MYH10: variants seen among roughly 807,000 people sequenced by gnomAD.
MYH10 encodes the protein myosin heavy chain 10.
In MYH10, 55 loss-of-function variants were observed where a neutral mutation model predicts 257.8. That is an observed-to-expected ratio of 0.21 (90% CI 0.17 to 0.27). MYH10 has a LOEUF of 0.27. Among genes scored for constraint, MYH10 ranks in the 10% least tolerant of loss-of-function variants. The pLI is 1.00. For missense variants in MYH10, 1,631 were observed against 2,500.6 expected, an observed-to-expected ratio of 0.65 and a Z score of 7.42; for synonymous variants, 854 against 921.7, an observed-to-expected ratio of 0.93 and a Z score of 1.33.
At position 8,506,189 on chromosome 17, in the gene MYH10, A is replaced by C; in HGVS notation, c.3386+129T>G. ...GTACGCCTGGGCTTTTCACTTTCTC[A>C]GGTCACACCAAACAGCAAGCAAACC... On this transcript the variant is annotated intron_variant, in intron 27 of 42. Coordinates refer to ENST00000360416, the MANE Select transcript of MYH10 (RefSeq NM_001256012.3). This position sits in a 1 kb window ranked among gnomAD's most constrained non-coding sequence, Gnocchi z 5.0. 2 of 902,382 alleles carry C rather than the reference A, an allele frequency of 2.2e-6. No individual in the cohort carries two copies. Among genetic ancestry groups the C allele is most frequent in the Admixed American group, 6.0e-5 (2 of 33,214 alleles). 55.9% of individuals were successfully genotyped at this position (902,382 alleles called of 1,614,324 possible).
At chr17:8,600,855 T>C (rs895105044) in intron 3 of MYH10, among the ~76,000 whole-genome samples, 2 of 152,082 alleles carry the variant, frequency 1.3e-5, no homozygotes, top group Admixed American at 6.5e-5. Flanking sequence ...AATGGACTCA[T>C]ACCCCGTATG....
Position 8,475,674 on chromosome 17 carries a change from G to T in MYH10, c.*130C>A. 9.1e-7 allele frequency: 1 copy of T among 1,097,318 alleles called. No individual in the cohort carries two copies. The highest frequency in any genetic ancestry group is 1.3e-6 in the Non-Finnish European group (1 of 756,962). The allele number at this position is 1,097,318 out of a possible 1,614,324, so 68.0% of individuals were successfully genotyped here. ...AAGCAGGATACAGTATGCATAGGCT[G>T]GAGAGCCTTAAGACACAGTTGATCT... On this transcript the variant is annotated 3_prime_UTR_variant, in exon 43 of 43. Transcript: ENST00000360416.
chr17:8,566,032 G>T (rs2083156737), intron 7 of MYH10, among the ~76,000 whole-genome samples: 1 of 152,104 alleles, frequency 6.6e-6, no homozygotes. Flanking sequence ...AAGCGGTGGG[G>T]ACTGTGCCAT....
intron 4 of MYH10, among the ~76,000 whole-genome samples, chr17:8,586,376 C>A (rs749798652): frequency 1.3e-5 from 2 of 152,064 alleles, no homozygotes; most frequent in Non-Finnish European, 1.5e-5. Context: ...GTTTTCCTCC[C>A]AACATAAACA....
At chr17:8,527,654 G>A (rs151274004) in intron 17 of MYH10, among the ~76,000 whole-genome samples, 50 of 152,310 alleles carry the variant, frequency 3.3e-4, no homozygotes, top group Non-Finnish European at 4.9e-4. Flanking sequence ...ATGCAGCCAC[G>A]GCAATGGCAA....
chr17:8,522,618 C>T (rs1028676403), intron 17 of MYH10, among the ~76,000 whole-genome samples: 4 of 152,198 alleles, frequency 2.6e-5, no homozygotes, highest in African/African-American at 9.7e-5. Context: ...AAACCCACTT[C>T]TGCAGGCCCC....
chr17:8,530,938 T>C (rs749512736), intron 16 of MYH10, among the ~76,000 whole-genome samples: 1 of 152,220 alleles, frequency 6.6e-6, no homozygotes, highest in Non-Finnish European at 1.5e-5. Flanking sequence ...ATGATATCAA[T>C]GTCAAATGAT....
At chr17:8,511,061 C>CATATATATATATATATATATATAT (rs1567823709) in intron 24 of MYH10, 2 of 65,664 alleles carry the variant, frequency 3.0e-5, no homozygotes, top group African/African-American at 1.0e-4. Flanking sequence ...TATATATATA[C>CATATATATATATATATATATATAT]ACACATACAT....
At chr17:8,476,807 G>A (rs913781072) in intron 42 of MYH10, 69 bp downstream of exon 42, 2 of 1,518,232 alleles carry the variant, frequency 1.3e-6, no homozygotes, top group African/African-American at 2.7e-5. Context: ...CCTCTGACCA[G>A]CTGCACCCCG....
chr17:8,512,613 C>T lies in MYH10; in HGVS notation c.2790G>A (p.Glu930=), dbSNP rs771126335. 6.2e-7 allele frequency: 1 copy of T among 1,613,282 alleles called. No homozygotes were observed. Among genetic ancestry groups the T allele is most frequent in the Non-Finnish European group, 8.5e-7 (1 of 1,179,950 alleles). Residue 930 remains glutamate, a synonymous_variant, in exon 24 of 43, where the codon GAG becomes GAA. Transcript: ENST00000360416. ...CTTCTGCTTCAGCAAAGAGCTCAGT[C>T]TCTGCTTGTAGTTGTTCTGCAAGGA... The part of the protein sequence containing the change: ...KNILAEQLQA[E]TELFAEAEEM...
intron 34 of MYH10, among the ~76,000 whole-genome samples, 177 bp downstream of exon 34, chr17:8,492,120 G>A (rs1413310279): frequency 6.6e-6 from 1 of 152,238 alleles, no homozygotes; most frequent in Non-Finnish European, 1.5e-5. Context: ...AGCAGTCCCA[G>A]AAGACCTGAA....
At chr17:8,571,358 T>G (rs2083335762) in intron 6 of MYH10, among the ~76,000 whole-genome samples, 1 of 151,496 alleles carries the variant, frequency 6.6e-6, no homozygotes, top group African/African-American at 2.4e-5. Flanking sequence ...GTATTTTTAG[T>G]AGAGACGGGG....
At chr17:8,513,978 G>A in intron 21 of MYH10, 84 bp from the exon 22 acceptor site, 1 of 1,156,478 alleles carries the variant, frequency 8.6e-7, no homozygotes, top group Non-Finnish European at 1.2e-6. Context: ...CTAAAGGCCC[G>A]TGTTCTTCTT....
intron 37 of MYH10, among the ~76,000 whole-genome samples, chr17:8,483,080 T>C (rs1914130006): frequency 2.0e-5 from 3 of 152,198 alleles, no homozygotes; most frequent in Admixed American, 2.0e-4. Context: ...GCAAATGCCA[T>C]ACATTTGGAA....
At chr17:8,578,776 T>TC (rs1206980549) in intron 4 of MYH10, among the ~76,000 whole-genome samples, 1 of 152,122 alleles carries the variant, frequency 6.6e-6, no homozygotes, top group African/African-American at 2.4e-5. Flanking sequence ...TAAGACGTGA[T>TC]CAAAGCAAAC....
chr17:8,614,636 T>C (rs2085184010), intron 2 of MYH10, among the ~76,000 whole-genome samples: 2 of 152,084 alleles, frequency 1.3e-5, no homozygotes, highest in Admixed American at 1.3e-4. Flanking sequence ...CACTTCTAAA[T>C]TACCCAGAGA....
intron 17 of MYH10, among the ~76,000 whole-genome samples, chr17:8,530,024 A>G (rs1007013328): frequency 2.6e-5 from 4 of 152,222 alleles, no homozygotes; most frequent in African/African-American, 9.6e-5. Context: ...CAACTTGCAC[A>G]TATCAGGCCT....
At chr17:8,539,260 A>G (rs1173026778) in intron 14 of MYH10, among the ~76,000 whole-genome samples, 1 of 152,234 alleles carries the variant, frequency 6.6e-6, no homozygotes, top group Non-Finnish European at 1.5e-5. Flanking sequence ...CACTCGCCAA[A>G]TAACTTCCCT....
chr17:8,530,340 T>C (rs537938725), intron 17 of MYH10, among the ~76,000 whole-genome samples: 1 of 152,328 alleles, frequency 6.6e-6, no homozygotes, highest in East Asian at 1.9e-4. Flanking sequence ...CCTTTTAATA[T>C]GCGGTGCTAT....
Sources: allele counts gnomAD v4.1 joint callset (sites outside exome capture counted in the v4.1 genomes callset), GRCh38; gene constraint gnomAD v4.1.1; non-coding constraint Gnocchi (gnomAD v3.1); transcripts MANE v1.5; gene names NCBI Gene and HGNC (gene_info 2026-07-23, HGNC 2026-07-21).